SLC6A6: variants seen among roughly 807,000 people sequenced by gnomAD.
SLC6A6 encodes sodium- and chloride-dependent taurine transporter.
A neutral mutation model predicts 68.8 loss-of-function variants in SLC6A6; 16 were observed. The observed-to-expected ratio is 0.23, with a 90% confidence interval of 0.16 to 0.35. The LOEUF (loss-of-function observed/expected upper bound fraction) is 0.35, where lower values mean the gene tolerates loss of function less well. Ranked by LOEUF, SLC6A6 falls within the 10% of genes least tolerant of loss-of-function variation. The pLI is 1.00. For synonymous variants in SLC6A6, 312 were observed against 315.4 expected, an observed-to-expected ratio of 0.99 and a Z score of 0.12; for missense variants, 474 against 802.8, an observed-to-expected ratio of 0.59 and a Z score of 4.95.
intron 2 of SLC6A6, among the ~76,000 whole-genome samples, chr3:14,427,917 A>G (rs1699637603): frequency 6.6e-6 from 1 of 152,202 alleles, no homozygotes; most frequent in Non-Finnish European, 1.5e-5. Flanking sequence ...CCCAAGGGCC[A>G]GAAGGGTACT....
At chr3:14,410,110 G>T (rs1699211671) in intron 1 of SLC6A6, among the ~76,000 whole-genome samples, 2 of 149,220 alleles carry the variant, frequency 1.3e-5, no homozygotes, top group African/African-American at 5.0e-5. Context: ...CACTTGGGCA[G>T]AGGTTGCAGT....
chr3:14,428,352 C>T lies in SLC6A6; in HGVS notation c.-12+11899C>T, dbSNP rs569349242. Among the ~76,000 whole-genome samples, 5 of 152,330 alleles carry T rather than the reference C, an allele frequency of 3.3e-5. No homozygotes were observed. The South Asian group carries it at 1.0e-3, about 32-fold the overall frequency. Reference sequence around the variant, plus strand: ...GCGGGCATGGTGCCCAAGAGATGCTCAGCAGGGCCTCGGCTCAGAGCCCAG... The same window carrying T: ...GCGGGCATGGTGCCCAAGAGATGCTTAGCAGGGCCTCGGCTCAGAGCCCAG... On this transcript the variant is annotated intron_variant, in intron 2 of 14. Coordinates refer to ENST00000622186, the MANE Select transcript of SLC6A6 (RefSeq NM_003043.6).
At chr3:14,415,603 C>A (rs1699345176) in intron 1 of SLC6A6, among the ~76,000 whole-genome samples, 1 of 152,198 alleles carries the variant, frequency 6.6e-6, no homozygotes, top group Non-Finnish European at 1.5e-5. Flanking sequence ...TTCCAGGAAT[C>A]CAGGAGAGCC....
intron 1 of SLC6A6, among the ~76,000 whole-genome samples, chr3:14,403,120 GTGT>G: frequency 8.4e-6 from 1 of 119,692 alleles, no homozygotes. Flanking sequence ...GTGTGTGTGT[GTGT>G]GGCATATCTG....
At chr3:14,424,458 G>T (rs1699546231) in intron 2 of SLC6A6, among the ~76,000 whole-genome samples, 1 of 152,160 alleles carries the variant, frequency 6.6e-6, no homozygotes, top group South Asian at 2.1e-4. Flanking sequence ...CCCGTGGAAA[G>T]GCCTGGTAGA....
chr3:14,419,872 C>T (rs1699448741), intron 2 of SLC6A6, among the ~76,000 whole-genome samples: 2 of 152,066 alleles, frequency 1.3e-5, no homozygotes, highest in Admixed American at 6.6e-5. Flanking sequence ...GTGCCTGGGG[C>T]AGCTTAAGGA....
intron 2 of SLC6A6, among the ~76,000 whole-genome samples, chr3:14,441,904 C>T (rs1013542173): frequency 3.3e-5 from 5 of 152,266 alleles, no homozygotes; most frequent in African/African-American, 1.2e-4. Flanking sequence ...CTCTGGGACA[C>T]AGTTGTGAGC....
At chr3:14,448,560 C>T (rs1179693565) in intron 5 of SLC6A6, among the ~76,000 whole-genome samples, 1 of 152,194 alleles carries the variant, frequency 6.6e-6, no homozygotes, top group Non-Finnish European at 1.5e-5. Flanking sequence ...AACGGTCAAT[C>T]CCCGAAACCC....
At chr3:14,407,893 AT>A (rs936062177) in intron 1 of SLC6A6, among the ~76,000 whole-genome samples, 6 of 151,526 alleles carry the variant, frequency 4.0e-5, no homozygotes, top group African/African-American at 1.5e-4. Context: ...TCTTTTGTCC[AT>A]TTTTTTCTGC....
chr3:14,426,027 G>A (rs770147299), intron 2 of SLC6A6, among the ~76,000 whole-genome samples: 8 of 152,190 alleles, frequency 5.3e-5, no homozygotes, highest in Non-Finnish European at 1.0e-4. Context: ...TCTTATGATT[G>A]AGGCCAGCTG....
At chr3:14,440,245 T>A (rs1699951018) in intron 2 of SLC6A6, among the ~76,000 whole-genome samples, 1 of 152,050 alleles carries the variant, frequency 6.6e-6, no homozygotes, top group Non-Finnish European at 1.5e-5. Flanking sequence ...GTCACCTGTT[T>A]GGGGAAGTGA....
At chr3:14,474,873 G>T (rs971764839) in intron 10 of SLC6A6, among the ~76,000 whole-genome samples, 20 of 152,244 alleles carry the variant, frequency 1.3e-4, no homozygotes, top group African/African-American at 4.8e-4. Flanking sequence ...GGAGCAGGGG[G>T]TGTCACCCTG....
At chr3:14,415,704 A>G (rs1003997424) in intron 1 of SLC6A6, among the ~76,000 whole-genome samples, 3 of 151,932 alleles carry the variant, frequency 2.0e-5, no homozygotes, top group Admixed American at 2.0e-4. Context: ...ACTGAAAAAG[A>G]CAACAGAACC....
At chr3:14,456,346 G>A (rs900457291) in intron 5 of SLC6A6, among the ~76,000 whole-genome samples, 7 of 152,178 alleles carry the variant, frequency 4.6e-5, no homozygotes, top group Non-Finnish European at 7.4e-5. Flanking sequence ...AGTATTTCAC[G>A]GATCGGTCCT....
intron 13 of SLC6A6, among the ~76,000 whole-genome samples, chr3:14,479,684 A>G (rs1304741714): frequency 6.6e-6 from 1 of 152,144 alleles, no homozygotes; most frequent in Non-Finnish European, 1.5e-5. Flanking sequence ...TCTCCCAAGG[A>G]TAGGGAAGCT....
At position 14,402,849 on chromosome 3, in the gene SLC6A6, T is replaced by TACCGGAGGG; in HGVS notation, c.-54+8_-54+16dup. ...CGGGCGGCGCCGCAGCCACCCCAGG[T>TACCGGAGGG]ACCGGAGGGACCGGGAGCTGGGCGC... On this transcript the variant is annotated splice_region_variant and intron_variant, in intron 1 of 14. Transcript: ENST00000622186. The surrounding 1 kb of genome is among the most constrained non-coding windows in gnomAD (Gnocchi z 4.8). The TACCGGAGGG allele has an allele frequency of 2.5e-6, 1 of 396,036 alleles. No homozygotes were observed. Among genetic ancestry groups the TACCGGAGGG allele is most frequent in the Non-Finnish European group, 4.5e-6 (1 of 224,400 alleles). 24.5% of individuals were successfully genotyped at this position (396,036 alleles called of 1,614,324 possible). A position where few individuals can be genotyped will look rare whatever the true frequency, so the allele number is the denominator to read the frequency against.
intron 2 of SLC6A6, among the ~76,000 whole-genome samples, chr3:14,435,495 C>A (rs780278521): frequency 6.6e-6 from 1 of 152,234 alleles, no homozygotes; most frequent in Non-Finnish European, 1.5e-5. Flanking sequence ...ATTTCCTCAA[C>A]AGAATTCACT....
chr3:14,464,133 G>A (rs908082068), intron 6 of SLC6A6, among the ~76,000 whole-genome samples: 2 of 152,206 alleles, frequency 1.3e-5, no homozygotes, highest in African/African-American at 4.8e-5. Context: ...CTTCCTGGTG[G>A]GGAAACAGTC....
intron 1 of SLC6A6, chr3:14,411,044 C>A (rs1214058947): frequency 6.6e-6 from 1 of 152,458 alleles, no homozygotes; most frequent in Non-Finnish European, 1.5e-5. Context: ...GACATCACAC[C>A]AGCCCAAGAC....
Sources: gnomAD v4.1 joint callset for allele counts (sites outside exome capture counted in the v4.1 genomes callset) on GRCh38, gnomAD v4.1.1 for gene constraint, Gnocchi (gnomAD v3.1) non-coding constraint, MANE v1.5 for transcripts, NCBI Gene and HGNC (gene_info 2026-07-23, HGNC 2026-07-21) for gene names.